The following C8orf34 variants were observed in gnomAD, a reference collection of about 807,000 sequenced individuals.
C8orf34 encodes the protein uncharacterized protein C8orf34.
C8orf34 carries 65 observed loss-of-function variants against 68.3 expected under a neutral mutation model. That is an observed-to-expected ratio of 0.95 (90% CI 0.78 to 1.17). The LOEUF (loss-of-function observed/expected upper bound fraction) is 1.17. Ranked by LOEUF, C8orf34 falls within the 50% of genes most tolerant of loss-of-function variation. The pLI, the probability that C8orf34 is intolerant of heterozygous loss-of-function variation, is 0.00. For synonymous variants in C8orf34, 244 were observed against 241.2 expected, an observed-to-expected ratio of 1.01 and a Z score of -0.11; for missense variants, 664 against 655.4, an observed-to-expected ratio of 1.01 and a Z score of -0.14.
At chr8:68,708,198 C>A (rs1821225851) in intron 8 of C8orf34, among the ~76,000 whole-genome samples, 1 of 151,856 alleles carries the variant, frequency 6.6e-6, no homozygotes, top group South Asian at 2.1e-4. Flanking sequence ...GAGGGATGTG[C>A]AGAATTTAAT....
intron 1 of C8orf34, among the ~76,000 whole-genome samples, chr8:68,361,866 C>T (rs1337349256): frequency 1.3e-5 from 2 of 152,168 alleles, no homozygotes; most frequent in African/African-American, 4.8e-5. Context: ...GCAGGCTGAA[C>T]CTTTCCATGA....
At position 68,658,302 on chromosome 8, in the gene C8orf34, C is replaced by T. The variant is rs143973617; in HGVS notation, c.1241+17791C>T. 2.9e-3 allele frequency among the ~76,000 whole-genome samples: 434 copies of T among 148,576 alleles called. 1 individual carries two copies. The highest frequency in any genetic ancestry group is 0.01 in the African/African-American group (417 of 40,032). On this transcript the variant is annotated intron_variant, in intron 8 of 13. Transcript: ENST00000518698. ...GAAAATGTCTTGAAATTTCCCTCCC[C>T]TTTGAATAATGACTGAGCTATCCAT... is the stretch of plus-strand genomic sequence containing the variant.
At chr8:68,692,082 A>G (rs1241031219) in intron 8 of C8orf34, among the ~76,000 whole-genome samples, 1 of 152,008 alleles carries the variant, frequency 6.6e-6, no homozygotes, top group African/African-American at 2.4e-5. Context: ...CAATATGAGA[A>G]AGCCCGGGGA....
intron 1 of C8orf34, among the ~76,000 whole-genome samples, chr8:68,377,401 TAAGGAG>T (rs139577925): frequency 0.62 from 92,577 of 149,412 alleles, 29,057 homozygotes; most frequent in African/African-American, 0.71. Context: ...TGTCTCAAAT[TAAGGAG>T]AAGGAGAAGG....
chr8:68,476,716 A>G (rs1273128177), intron 4 of C8orf34, among the ~76,000 whole-genome samples: 1 of 152,166 alleles, frequency 6.6e-6, no homozygotes, highest in Non-Finnish European at 1.5e-5. Context: ...TACATGCACA[A>G]TGGGCAAAGA....
intron 3 of C8orf34, among the ~76,000 whole-genome samples, chr8:68,465,948 TAATAA>T (rs61338754): frequency 0.087 from 12,949 of 148,302 alleles, 628 homozygotes; most frequent in African/African-American, 0.12. Context: ...ACTTAAAGTA[TAATAA>T]AATAAAATAA....
intron 7 of C8orf34, among the ~76,000 whole-genome samples, chr8:68,600,978 C>A (rs766089980): frequency 4.6e-5 from 7 of 152,136 alleles, no homozygotes; most frequent in Non-Finnish European, 1.0e-4. Context: ...ACGAGATTAA[C>A]TTTTTTAGCT....
At chr8:68,762,322 G>A (rs900675357) in intron 10 of C8orf34, among the ~76,000 whole-genome samples, 14 of 151,944 alleles carry the variant, frequency 9.2e-5, no homozygotes, top group African/African-American at 3.4e-4. Flanking sequence ...CTAACTGGCA[G>A]TGACCATAAG....
chr8:68,458,866 C>T (rs753688704), intron 3 of C8orf34, among the ~76,000 whole-genome samples: 4 of 152,126 alleles, frequency 2.6e-5, no homozygotes, highest in Non-Finnish European at 4.4e-5. Context: ...GAGGCAGCTG[C>T]GTTCATTTTT....
intron 8 of C8orf34, among the ~76,000 whole-genome samples, chr8:68,701,335 AT>A (rs1821010040): frequency 6.6e-6 from 1 of 152,020 alleles, no homozygotes; most frequent in African/African-American, 2.4e-5. Context: ...CTTCATTGCG[AT>A]TCTAGAATCA....
intron 6 of C8orf34, chr8:68,525,370 G>GAA (rs1814928754): frequency 3.4e-6 from 1 of 296,086 alleles, no homozygotes; most frequent in South Asian, 8.7e-5. Context: ...TCAAAGAACA[G>GAA]AAGGCTTGAA....
In C8orf34 at chr8:68,787,472, T is replaced by A. The variant is rs1254625762; in HGVS notation, c.1485T>A (p.Val495=). The A allele has an allele frequency of 4.3e-6, 7 of 1,612,478 alleles. No homozygotes were observed. Among genetic ancestry groups the A allele is most frequent in the East Asian group, 4.5e-5 (2 of 44,758 alleles). The change falls in exon 12 of 14, where the codon GTT becomes GTA. Residue 495 remains valine (V), a synonymous_variant. Transcript: ENST00000518698. The part of the protein sequence containing the change: ...EDESLKQLQV[V]HQPWILPSDT... Reference sequence around the variant, plus strand: ...AATCCTTAAAGCAATTGCAGGTAGTTCATCAACCATGGATCTTGCCAAGTG... The same window carrying A: ...AATCCTTAAAGCAATTGCAGGTAGTACATCAACCATGGATCTTGCCAAGTG...
intron 1 of C8orf34, among the ~76,000 whole-genome samples, chr8:68,432,770 A>C (rs574386715): frequency 5.3e-5 from 8 of 152,276 alleles, no homozygotes; most frequent in South Asian, 2.1e-4. Flanking sequence ...AAGAGATCAG[A>C]GAGATGTCTG....
At chr8:68,497,538 A>G (rs1813577864) in intron 5 of C8orf34, among the ~76,000 whole-genome samples, 2 of 152,206 alleles carry the variant, frequency 1.3e-5, no homozygotes, top group African/African-American at 4.8e-5. Flanking sequence ...ACTAGCAAAA[A>G]TACAAAAAGA....
intron 7 of C8orf34, among the ~76,000 whole-genome samples, chr8:68,568,552 T>G (rs925702524): frequency 6.6e-6 from 1 of 151,506 alleles, no homozygotes; most frequent in Non-Finnish European, 1.5e-5. Flanking sequence ...GCCACAAAGC[T>G]TCAATTAGAA....
chr8:68,602,742 C>G (rs1817736266), intron 7 of C8orf34, among the ~76,000 whole-genome samples: 1 of 152,062 alleles, frequency 6.6e-6, no homozygotes, highest in East Asian at 1.9e-4. Context: ...TCAGCTCGTA[C>G]TAGATCGTTG....
At chr8:68,770,362 A>G (rs1300036431) in intron 10 of C8orf34, among the ~76,000 whole-genome samples, 1 of 152,370 alleles carries the variant, frequency 6.6e-6, no homozygotes, top group East Asian at 1.9e-4. Flanking sequence ...TGTACGTAAT[A>G]GTGAAATAAT....
chr8:68,546,269 G>A (rs932967887), intron 7 of C8orf34, among the ~76,000 whole-genome samples: 1 of 151,862 alleles, frequency 6.6e-6, no homozygotes, highest in Non-Finnish European at 1.5e-5. Flanking sequence ...CAATTAAAAG[G>A]CAGAGGTTGT....
At chr8:68,744,197 C>A (rs1357938205) in intron 10 of C8orf34, among the ~76,000 whole-genome samples, 1 of 152,076 alleles carries the variant, frequency 6.6e-6, no homozygotes, top group Non-Finnish European at 1.5e-5. Flanking sequence ...GGAAAACTAA[C>A]AAACAGAAAG....
Sources: allele counts gnomAD v4.1 joint callset (sites outside exome capture counted in the v4.1 genomes callset), GRCh38; gene constraint gnomAD v4.1.1; transcripts MANE v1.5; gene names NCBI Gene and HGNC (gene_info 2026-07-23, HGNC 2026-07-21).